TAFA1: variants seen among roughly 807,000 people sequenced by gnomAD.
TAFA1 encodes chemokine-like protein TAFA-1.
A neutral mutation model predicts 18.5 loss-of-function variants in TAFA1; 4 were observed. The observed-to-expected ratio is 0.22, with a 90% CI of 0.11 to 0.49. The LOEUF (loss-of-function observed/expected upper bound fraction) is 0.49, where lower values mean the gene tolerates loss of function less well. TAFA1 is among the 20% of genes least tolerant of loss of function. TAFA1 has a pLI of 0.98. For missense variants in TAFA1, 147 were observed against 169.0 expected (o/e 0.87, Z 0.72); for synonymous variants, 56 against 55.2 (o/e 1.01, Z -0.06).
rs2071776633 is a variant in TAFA1, at chr3:68,461,370, T to TATATATATATATATATATATATATATAC, written c.259+43960_259+43961insATATATATATATATATACATATATATAT. Among the ~76,000 whole-genome samples the TATATATATATATATATATATATATATAC allele has an allele frequency of 2.1e-5, 3 of 141,108 alleles. No homozygotes were observed. In the South Asian group the frequency reaches 6.7e-4, roughly 32 times the overall value. 92.6% of individuals were successfully genotyped at this position (141,108 alleles called of 152,430 possible). On this transcript the variant is annotated intron_variant, in intron 3 of 4. Coordinates refer to ENST00000478136, the MANE Select transcript of TAFA1 (RefSeq NM_213609.4). ...AGGCCAATGAAAGTGCATATATATA[T>TATATATATATATATATATATATATATAC]ATATATATATGTATGTATGTATATA...
At chr3:68,189,204 G>T (rs1400958307) in intron 2 of TAFA1, among the ~76,000 whole-genome samples, 1 of 151,866 alleles carries the variant, frequency 6.6e-6, no homozygotes, top group Non-Finnish European at 1.5e-5. Flanking sequence ...TTGAAAGAGA[G>T]GAAGACTGAT....
chr3:68,401,025 G>A (rs570397297), intron 2 of TAFA1, among the ~76,000 whole-genome samples: 10 of 152,302 alleles, frequency 6.6e-5, no homozygotes, highest in South Asian at 4.1e-4. Context: ...ACAGCCAGGC[G>A]TTGTGCTGGA....
intron 3 of TAFA1, among the ~76,000 whole-genome samples, chr3:68,452,541 A>AAAC (rs10689603): frequency 6.6e-6 from 1 of 150,762 alleles, no homozygotes; most frequent in African/African-American, 2.4e-5. Context: ...AAAAAAAAAA[A>AAAC]CTAGCAAACA....
intron 3 of TAFA1, among the ~76,000 whole-genome samples, chr3:68,521,767 C>A (rs904884502): frequency 1.2e-4 from 18 of 151,146 alleles, no homozygotes; most frequent in African/African-American, 4.1e-4. Flanking sequence ...AGGAAAAAAC[C>A]TATAGACAGT....
intron 2 of TAFA1, among the ~76,000 whole-genome samples, chr3:68,334,949 C>T (rs1191508297): frequency 6.6e-6 from 1 of 152,174 alleles, no homozygotes; most frequent in Non-Finnish European, 1.5e-5. Flanking sequence ...GTCACGAGAG[C>T]ATACCTAACT....
chr3:68,282,786 C>A (rs986872201), intron 2 of TAFA1, among the ~76,000 whole-genome samples: 1 of 152,144 alleles, frequency 6.6e-6, no homozygotes, highest in African/African-American at 2.4e-5. Context: ...GTCCCCCAAC[C>A]TTTTATTTCA....
intron 2 of TAFA1, among the ~76,000 whole-genome samples, chr3:68,249,324 T>G (rs142883500): frequency 6.6e-6 from 1 of 152,226 alleles, no homozygotes; most frequent in East Asian, 1.9e-4. Context: ...CAAGATCACT[T>G]TGGGAATTCC....
At chr3:68,168,428 C>T (rs2066012195) in intron 2 of TAFA1, among the ~76,000 whole-genome samples, 1 of 152,144 alleles carries the variant, frequency 6.6e-6, no homozygotes, top group Non-Finnish European at 1.5e-5. Context: ...TACACATATG[C>T]CAGCTTTTAA....
intron 2 of TAFA1, among the ~76,000 whole-genome samples, chr3:68,026,099 A>G (rs1447491889): frequency 6.6e-6 from 1 of 152,138 alleles, no homozygotes; most frequent in African/African-American, 2.4e-5. Context: ...TTTATTTCCT[A>G]TCAAATCTAA....
upstream of TAFA1, among the ~76,000 whole-genome samples, chr3:68,002,032 A>G (rs1704289117): frequency 1.3e-5 from 2 of 152,192 alleles, no homozygotes; most frequent in Non-Finnish European, 2.9e-5. Context: ...GGCATACCCA[A>G]CCCTAAAGGG....
intron 3 of TAFA1, among the ~76,000 whole-genome samples, chr3:68,468,502 C>A (rs1469620879): frequency 6.6e-6 from 1 of 152,188 alleles, no homozygotes; most frequent in African/African-American, 2.4e-5. Flanking sequence ...TTGCTTCCTG[C>A]ATTTACTGTT....
chr3:68,296,417 A>G (rs1176099727), intron 2 of TAFA1, among the ~76,000 whole-genome samples: 1 of 152,184 alleles, frequency 6.6e-6, no homozygotes, highest in Admixed American at 6.5e-5. Flanking sequence ...TAGATCACAT[A>G]ATCCTAAACA....
At chr3:68,226,725 T>C (rs150873372) in intron 2 of TAFA1, among the ~76,000 whole-genome samples, 7 of 152,300 alleles carry the variant, frequency 4.6e-5, no homozygotes, top group Non-Finnish European at 1.0e-4. Context: ...CATGAATTAT[T>C]AGCTTTCTTT....
intron 2 of TAFA1, among the ~76,000 whole-genome samples, chr3:68,394,890 GC>G (rs2070342865): frequency 6.6e-6 from 1 of 152,076 alleles, no homozygotes. Flanking sequence ...ATAGGCACTG[GC>G]AAAGACTTCA....
chr3:68,429,867 A>G (rs1011622294), intron 3 of TAFA1, among the ~76,000 whole-genome samples: 4 of 152,076 alleles, frequency 2.6e-5, no homozygotes, highest in African/African-American at 9.6e-5. Context: ...TCCTTGGAAC[A>G]GCCTGTATAA....
intron 2 of TAFA1, among the ~76,000 whole-genome samples, chr3:68,359,151 G>A (rs938615447): frequency 3.3e-5 from 5 of 151,834 alleles, no homozygotes; most frequent in African/African-American, 7.3e-5. Context: ...CTTTTTTATT[G>A]TTCACATATC....
chr3:68,150,503 C>G (rs2065793278), intron 2 of TAFA1, among the ~76,000 whole-genome samples: 2 of 152,080 alleles, frequency 1.3e-5, no homozygotes, highest in Admixed American at 1.3e-4. Flanking sequence ...AAAGGCAAAT[C>G]ATTAAAAAAT....
intron 3 of TAFA1, among the ~76,000 whole-genome samples, chr3:68,451,405 A>C (rs2071564988): frequency 6.6e-6 from 1 of 152,202 alleles, no homozygotes; most frequent in Admixed American, 6.5e-5. Flanking sequence ...GGAGGTTGTC[A>C]GTAGAGGAGG....
At chr3:68,310,957 G>T (rs77929112) in intron 2 of TAFA1, among the ~76,000 whole-genome samples, 3,943 of 152,098 alleles carry the variant, frequency 0.026, 91 homozygotes, top group East Asian at 0.099. Flanking sequence ...CCCGAGCCTG[G>T]GCAATTTAAA....
Sources: allele counts gnomAD v4.1 joint callset (sites outside exome capture counted in the v4.1 genomes callset), GRCh38; gene constraint gnomAD v4.1.1; transcripts MANE v1.5; gene names NCBI Gene and HGNC (gene_info 2026-07-23, HGNC 2026-07-21).